The following PARD3 variants were observed in gnomAD, a reference collection of about 807,000 sequenced individuals.
The protein encoded by PARD3 is par-3 family cell polarity regulator.
Under a neutral mutation model 155.4 loss-of-function variants are expected in PARD3, and 75 were observed. The observed-to-expected ratio is 0.48, with a 90% CI of 0.40 to 0.58. The LOEUF is 0.58. Ranked by LOEUF, PARD3 falls within the 20% of genes least tolerant of loss-of-function variation. The pLI, the probability that PARD3 is intolerant of heterozygous loss-of-function variation, is 0.00. For synonymous variants in PARD3, 576 were observed against 610.5 expected (o/e 0.94, Z 0.83); for missense variants, 1,642 against 1,721.7 (o/e 0.95, Z 0.82).
At chr10:34,810,489 G>A (rs543933229) in intron 1 of PARD3, among the ~76,000 whole-genome samples, 1 of 152,066 alleles carries the variant, frequency 6.6e-6, no homozygotes, top group African/African-American at 2.4e-5. Context: ...GAAGCCAGAG[G>A]CCCCAATAAT....
chr10:34,699,612 A>G (rs1486742091), intron 1 of PARD3, among the ~76,000 whole-genome samples: 3 of 152,220 alleles, frequency 2.0e-5, no homozygotes, highest in East Asian at 1.9e-4. Flanking sequence ...GTTTAAAATA[A>G]TAACAGTAGG....
intron 2 of PARD3, among the ~76,000 whole-genome samples, chr10:34,589,466 C>T (rs1024396328): frequency 1.3e-5 from 2 of 151,900 alleles, no homozygotes; most frequent in African/African-American, 2.4e-5. Context: ...TGGACACAGA[C>T]GCACACAGCA....
chr10:34,599,011 G>C (rs1239905118), intron 2 of PARD3, among the ~76,000 whole-genome samples: 2 of 151,936 alleles, frequency 1.3e-5, no homozygotes, highest in Non-Finnish European at 2.9e-5. Context: ...GAATATCCCT[G>C]CGCCTTCCCC....
chr10:34,391,904 C>T (rs2132092534), intron 7 of PARD3, among the ~76,000 whole-genome samples: 1 of 152,292 alleles, frequency 6.6e-6, no homozygotes, highest in East Asian at 1.9e-4. Context: ...ACCTGTAATC[C>T]CAGCACTTCG....
chr10:34,240,894 C>T (rs1030095649), intron 22 of PARD3, among the ~76,000 whole-genome samples: 8 of 152,118 alleles, frequency 5.3e-5, no homozygotes, highest in African/African-American at 9.7e-5. Flanking sequence ...AACAAAGAGA[C>T]GCTCAGGGGT....
At chr10:34,296,614 G>T (rs943648842) in intron 20 of PARD3, among the ~76,000 whole-genome samples, 2 of 152,126 alleles carry the variant, frequency 1.3e-5, no homozygotes, top group Non-Finnish European at 2.9e-5. Flanking sequence ...TATAAAATAC[G>T]TGGATGTGGG....
chr10:34,610,856 C>T (rs2090838862), intron 2 of PARD3, among the ~76,000 whole-genome samples: 1 of 151,970 alleles, frequency 6.6e-6, no homozygotes, highest in Non-Finnish European at 1.5e-5. Context: ...TGAAAATATA[C>T]AAGACCTATT....
At chr10:34,777,511 A>G (rs1449329105) in intron 1 of PARD3, among the ~76,000 whole-genome samples, 2 of 152,180 alleles carry the variant, frequency 1.3e-5, no homozygotes, top group Non-Finnish European at 2.9e-5. Context: ...AGCACCAGGT[A>G]TACAGTAGAT....
chr10:34,161,154 A>G (rs972963366), intron 22 of PARD3, among the ~76,000 whole-genome samples: 1 of 150,826 alleles, frequency 6.6e-6, no homozygotes, highest in Admixed American at 6.6e-5. Flanking sequence ...CTGAGATGGG[A>G]GGATCACTTG....
intron 1 of PARD3, among the ~76,000 whole-genome samples, chr10:34,810,588 G>A (rs1189235108): frequency 2.0e-5 from 3 of 152,168 alleles, no homozygotes; most frequent in African/African-American, 7.2e-5. Flanking sequence ...TGATTGTGGT[G>A]CTGCACGTCA....
chr10:34,420,944 G>C (rs953646038), intron 5 of PARD3, among the ~76,000 whole-genome samples: 8 of 152,218 alleles, frequency 5.3e-5, no homozygotes, highest in Admixed American at 4.6e-4. Context: ...GGGAGGCCAA[G>C]GTCGGGGGGA....
chr10:34,211,034 C>T (rs1488676341), intron 22 of PARD3, among the ~76,000 whole-genome samples: 1 of 152,094 alleles, frequency 6.6e-6, no homozygotes, highest in African/African-American at 2.4e-5. Context: ...TGTGTTATCT[C>T]ATTAACACGG....
chr10:34,110,992 A>T lies in PARD3; in HGVS notation c.*177T>A. On this transcript the variant is annotated 3_prime_UTR_variant, in exon 25 of 25. Transcript: ENST00000374788. ...CTTCCATGAAACAGACACTTGAGAC[A>T]TAGTGGCAAAGACATTAAGGCCTTC... The T allele has an allele frequency of 1.7e-6, 1 of 576,544 alleles. No individual in the cohort carries two copies. Among genetic ancestry groups the T allele is most frequent in the East Asian group, 2.8e-5 (1 of 35,674 alleles). The allele number at this position is 576,544 out of a possible 1,614,324, so 35.7% of individuals were successfully genotyped here. A position where few individuals can be genotyped will look rare whatever the true frequency, so the allele number is the denominator to read the frequency against.
At chr10:34,578,424 A>G (rs1488711292) in intron 2 of PARD3, among the ~76,000 whole-genome samples, 1 of 152,208 alleles carries the variant, frequency 6.6e-6, no homozygotes, top group Non-Finnish European at 1.5e-5. Context: ...AGAACATGCC[A>G]TTTTTCTTAA....
At chr10:34,767,686 C>T (rs1838278125) in intron 1 of PARD3, among the ~76,000 whole-genome samples, 2 of 151,908 alleles carry the variant, frequency 1.3e-5, no homozygotes, top group South Asian at 2.1e-4. Context: ...GCAGCCTCCG[C>T]CTCCTGGGTT....
chr10:34,614,501 T>C (rs1239896709), intron 2 of PARD3, among the ~76,000 whole-genome samples: 4 of 152,242 alleles, frequency 2.6e-5, no homozygotes, highest in Non-Finnish European at 4.4e-5. Context: ...AGTTATCTCA[T>C]TGGACCCAGA....
At chr10:34,694,637 A>AT (rs1352847512) in intron 2 of PARD3, among the ~76,000 whole-genome samples, 6 of 151,668 alleles carry the variant, frequency 4.0e-5, no homozygotes, top group Non-Finnish European at 8.8e-5. Context: ...CAGCCGGCTA[A>AT]TTTTTTGTAT....
At chr10:34,285,672 G>A (rs1373307341) in intron 20 of PARD3, among the ~76,000 whole-genome samples, 1 of 151,992 alleles carries the variant, frequency 6.6e-6, no homozygotes, top group Non-Finnish European at 1.5e-5. Context: ...TTGGTTGATA[G>A]CATTGATTTT....
chr10:34,165,088 T>TTA (rs569793819), intron 22 of PARD3, among the ~76,000 whole-genome samples: 12 of 147,350 alleles, frequency 8.1e-5, no homozygotes, highest in African/African-American at 2.7e-4. Context: ...AGATACAGAC[T>TTA]AAAAAAAAAA....
Sources: allele counts gnomAD v4.1 joint callset (sites outside exome capture counted in the v4.1 genomes callset), GRCh38; gene constraint gnomAD v4.1.1; transcripts MANE v1.5; gene names NCBI Gene and HGNC (gene_info 2026-07-23, HGNC 2026-07-21).